SFSWAP: variants seen among roughly 807,000 people sequenced by gnomAD.
The protein encoded by SFSWAP is splicing factor, suppressor of white-apricot homolog.
A neutral mutation model predicts 100.7 loss-of-function variants in SFSWAP; 17 were observed. The ratio of observed to expected loss-of-function variants is 0.17; its 90% confidence interval spans 0.12 to 0.25. The LOEUF (loss-of-function observed/expected upper bound fraction) is 0.25, where lower values mean the gene tolerates loss of function less well. Among genes scored for constraint, SFSWAP ranks in the 10% least tolerant of loss-of-function variants. The probability of loss-of-function intolerance (pLI) is 1.00; values close to 1 mark genes in which losing one functional copy is unlikely to be tolerated. For synonymous variants in SFSWAP, 504 were observed against 510.1 expected (o/e 0.99, Z 0.16); for missense variants, 1,005 against 1,262.6 (o/e 0.80, Z 3.09).
At chr12:131,752,403 A>G (rs1264248075) in intron 7 of SFSWAP, among the ~76,000 whole-genome samples, 2 of 152,256 alleles carry the variant, frequency 1.3e-5, no homozygotes, top group Non-Finnish European at 2.9e-5. Context: ...ATAAATGTAC[A>G]GGATTTTTAA....
At chr12:131,793,607 A>T (rs554536489) in intron 15 of SFSWAP, among the ~76,000 whole-genome samples, 4 of 152,134 alleles carry the variant, frequency 2.6e-5, no homozygotes, top group Admixed American at 2.6e-4. Flanking sequence ...GAAAAAACCA[A>T]TTAGACTTCA....
In SFSWAP at chr12:131,799,015, GCT is replaced by G. The variant is rs147985401; in HGVS notation, c.2718-9_2718-8del. On this transcript the variant is annotated intron_variant, in intron 16 of 17. Coordinates refer to ENST00000261674, the MANE Select transcript of SFSWAP (RefSeq NM_004592.4). ...GCATCTTCACACGGTTGTAAGCTCTGCTCTCTCTCTCTCTGCATTAGGGGAGT... is the reference window on the plus strand; with the variant it reads ...GCATCTTCACACGGTTGTAAGCTCTGCTCTCTCTCTCTGCATTAGGGGAGT... 0.02 allele frequency: 23,586 copies of G among 1,189,148 alleles called. 1 individual carries two copies. The highest frequency in any genetic ancestry group is 0.024 in the South Asian group (1,272 of 52,272). 73.7% of individuals were successfully genotyped at this position (1,189,148 alleles called of 1,614,324 possible). A position where few individuals can be genotyped will look rare whatever the true frequency, so the allele number is the denominator to read the frequency against.
intron 1 of SFSWAP, chr12:131,713,462 C>T (rs1207046931): frequency 1.3e-5 from 2 of 152,244 alleles, no homozygotes; most frequent in Non-Finnish European, 1.5e-5. Context: ...GTATATGTCA[C>T]TGTTCCAATG....
chr12:131,750,980 T>C (rs766305521), intron 7 of SFSWAP, among the ~76,000 whole-genome samples: 9 of 152,230 alleles, frequency 5.9e-5, no homozygotes, highest in Non-Finnish European at 1.3e-4. Context: ...AGCCTAAATT[T>C]TTCAAATTAG....
intron 13 of SFSWAP, among the ~76,000 whole-genome samples, chr12:131,772,473 G>A (rs145725109): frequency 5.3e-4 from 81 of 152,306 alleles, no homozygotes; most frequent in African/African-American, 1.8e-3. Context: ...AGACTGGAGA[G>A]TTCCCTTGAC....
chr12:131,726,235 C>T (rs1878962247), intron 5 of SFSWAP, among the ~76,000 whole-genome samples: 1 of 151,710 alleles, frequency 6.6e-6, no homozygotes, highest in Non-Finnish European at 1.5e-5. Context: ...CAGAGTCTCG[C>T]TCTTGTCGCC....
intron 15 of SFSWAP, among the ~76,000 whole-genome samples, chr12:131,792,634 C>T (rs1331167320): frequency 2.0e-5 from 3 of 151,924 alleles, no homozygotes; most frequent in Admixed American, 2.0e-4. Flanking sequence ...CAGATCAGTA[C>T]TGGTGCACAT....
intron 7 of SFSWAP, among the ~76,000 whole-genome samples, chr12:131,732,351 C>T (rs1175413736): frequency 6.6e-6 from 1 of 152,212 alleles, no homozygotes; most frequent in African/African-American, 2.4e-5. Flanking sequence ...ACAGATCTCC[C>T]GAAGTTCCTT....
chr12:131,770,235 G>A (rs61942910), intron 13 of SFSWAP, among the ~76,000 whole-genome samples: 11,450 of 152,302 alleles, frequency 0.075, 485 homozygotes, highest in Middle Eastern at 0.12. Flanking sequence ...CTATGTAGTT[G>A]TGAAATTCTC....
At chr12:131,788,685 C>T (rs1291373408) in intron 15 of SFSWAP, among the ~76,000 whole-genome samples, 1 of 152,050 alleles carries the variant, frequency 6.6e-6, no homozygotes, top group African/African-American at 2.4e-5. Context: ...ACCACCATGC[C>T]TGGCTGGCTG....
chr12:131,757,310 A>C (rs1023656950), intron 11 of SFSWAP: 10 of 152,474 alleles, frequency 6.6e-5, no homozygotes, highest in Admixed American at 3.3e-4. Flanking sequence ...CCGTGGTGCG[A>C]GCTGCCCGGC....
chr12:131,728,298 G>A lies in SFSWAP; in HGVS notation c.951G>A (p.Leu317=). Reference sequence around the variant, plus strand: ...TGTGTCTTCTCTGTTTCCAGCCCTTGAAGGTAGTGGACCCAGATCATCCCC... The same window carrying A: ...TGTGTCTTCTCTGTTTCCAGCCCTTAAAGGTAGTGGACCCAGATCATCCCC... ...CNRLEELMKP[L]KVVDPDHPLA... Residue 317 remains leucine (L), a synonymous_variant, in exon 7 of 18, where the codon TTG becomes TTA. Transcript: ENST00000261674. 2 of 1,614,214 alleles carry A rather than the reference G, an allele frequency of 1.2e-6. No individual in the cohort carries two copies. The highest frequency in any genetic ancestry group is 8.5e-7 in the Non-Finnish European group (1 of 1,180,022).
At position 131,776,062 on chromosome 12, in the gene SFSWAP, A is replaced by G. The variant is rs551006901; in HGVS notation, c.2143-2003A>G. On this transcript the variant is annotated intron_variant, in intron 13 of 17. Transcript: ENST00000261674. ...GGTTGCGGTGAGCTGAGATCACGCC[A>G]CTGCACTCCACCCCGGCAACAGAGC... is the stretch of plus-strand genomic sequence containing the variant. 1.9e-3 allele frequency among the ~76,000 whole-genome samples: 287 copies of G among 152,326 alleles called. 4 individuals are homozygous for G. Among genetic ancestry groups the G allele is most frequent in the African/African-American group, 6.6e-3 (276 of 41,572 alleles).
At position 131,759,367 on chromosome 12, in the gene SFSWAP, T is replaced by C. The variant is rs558379329; in HGVS notation, c.1720+2723T>C. Among the ~76,000 whole-genome samples, 166 of 152,158 alleles carry C rather than the reference T, an allele frequency of 1.1e-3. 2 individuals are homozygous for C. Among genetic ancestry groups the C allele is most frequent in the South Asian group, 1.7e-3 (8 of 4,812 alleles). On this transcript the variant is annotated intron_variant, in intron 11 of 17. Transcript: ENST00000261674. ...GTCAAGTTAATTCACCCTCAAGAAA[T>C]AGAATGCCTACATCATTAAAGCCAC...
chr12:131,727,222 T>C (rs1233973881), intron 6 of SFSWAP, among the ~76,000 whole-genome samples, 170 bp downstream of exon 6: 1 of 152,284 alleles, frequency 6.6e-6, no homozygotes, highest in African/African-American at 2.4e-5. Flanking sequence ...AAGCATCTGC[T>C]TCTTTGGTTT....
intron 15 of SFSWAP, among the ~76,000 whole-genome samples, chr12:131,793,541 C>G (rs1480844255): frequency 6.6e-6 from 1 of 152,084 alleles, no homozygotes; most frequent in East Asian, 1.9e-4. Flanking sequence ...AGAATATGTT[C>G]ATGAATTTGA....
At chr12:131,715,174 C>T (rs571676643) in intron 3 of SFSWAP, among the ~76,000 whole-genome samples, 10 of 152,306 alleles carry the variant, frequency 6.6e-5, no homozygotes, top group African/African-American at 2.2e-4. Flanking sequence ...TTATTTATTT[C>T]TCATTGATTC....
intron 7 of SFSWAP, among the ~76,000 whole-genome samples, chr12:131,749,144 C>A (rs187721509): frequency 1.5e-4 from 23 of 152,314 alleles, no homozygotes; most frequent in Admixed American, 1.2e-3. Context: ...TGTAGGTGCC[C>A]TGAGCACATT....
At chr12:131,754,330 C>T (rs755769767) in intron 8 of SFSWAP, 38 bp from the exon 9 acceptor site, 5 of 1,467,632 alleles carry the variant, frequency 3.4e-6, no homozygotes, top group Admixed American at 2.5e-5. Flanking sequence ...TTGGCGAGCC[C>T]CTGAAGCCCA....
Sources: gnomAD v4.1 joint callset for allele counts (sites outside exome capture counted in the v4.1 genomes callset) on GRCh38, gnomAD v4.1.1 for gene constraint, MANE v1.5 for transcripts, NCBI Gene and HGNC (gene_info 2026-07-23, HGNC 2026-07-21) for gene names.